Variants in CNTNAP2 observed in about 807,000 individuals in gnomAD.
CNTNAP2 encodes the protein contactin associated protein 2.
Under a neutral mutation model 155.2 loss-of-function variants are expected in CNTNAP2, and 98 were observed. That is an observed-to-expected ratio of 0.63 (90% CI 0.54 to 0.75). The LOEUF (loss-of-function observed/expected upper bound fraction) is 0.75, where lower values mean the gene tolerates loss of function less well. CNTNAP2 is among the 30% of genes least tolerant of loss of function. CNTNAP2 has a pLI of 0.00. For synonymous variants in CNTNAP2, 651 were observed against 631.2 expected, an observed-to-expected ratio of 1.03 and a Z score of -0.47; for missense variants, 1,727 against 1,688.1, an observed-to-expected ratio of 1.02 and a Z score of -0.40.
At chr7:146,329,344 T>A (rs1402271388) in intron 1 of CNTNAP2, among the ~76,000 whole-genome samples, 1 of 152,206 alleles carries the variant, frequency 6.6e-6, no homozygotes, top group African/African-American at 2.4e-5. Context: ...TCTCCATAAG[T>A]GGCTATGGAA....
intron 8 of CNTNAP2, among the ~76,000 whole-genome samples, chr7:147,192,913 G>A (rs961742721): frequency 9.2e-5 from 14 of 152,052 alleles, no homozygotes; most frequent in African/African-American, 3.4e-4. Flanking sequence ...CAACTTACTG[G>A]TTTTACCCCA....
intron 2 of CNTNAP2, among the ~76,000 whole-genome samples, chr7:146,783,466 G>T (rs1802523694): frequency 6.6e-6 from 1 of 152,062 alleles, no homozygotes; most frequent in Non-Finnish European, 1.5e-5. Context: ...TGGCTTGACT[G>T]GGAGTTTTAT....
intron 14 of CNTNAP2, among the ~76,000 whole-genome samples, chr7:147,935,775 A>G (rs548320432): frequency 0.013 from 1,984 of 152,272 alleles, 46 homozygotes; most frequent in African/African-American, 0.045. Context: ...ATATGATAGC[A>G]AAAAAATTAA....
intron 1 of CNTNAP2, among the ~76,000 whole-genome samples, chr7:146,151,470 A>G (rs936451398): frequency 1.3e-5 from 2 of 150,394 alleles, no homozygotes; most frequent in Non-Finnish European, 3.0e-5. Flanking sequence ...TACATTTTAT[A>G]TATAAATGAG....
At chr7:146,917,811 A>G (rs1274053550) in intron 3 of CNTNAP2, among the ~76,000 whole-genome samples, 2 of 151,890 alleles carry the variant, frequency 1.3e-5, no homozygotes, top group Admixed American at 6.6e-5. Context: ...ATGACTTTGC[A>G]CCTCCTTGCT....
intron 13 of CNTNAP2, among the ~76,000 whole-genome samples, chr7:147,668,630 A>G (rs1412228218): frequency 6.6e-6 from 1 of 152,204 alleles, no homozygotes; most frequent in Admixed American, 6.5e-5. Flanking sequence ...AAAATTAAAG[A>G]TTGAAAAAAT....
At chr7:147,006,940 A>AGAATGAG (rs1488839981) in intron 3 of CNTNAP2, among the ~76,000 whole-genome samples, 1 of 152,150 alleles carries the variant, frequency 6.6e-6, no homozygotes, top group Non-Finnish European at 1.5e-5. Context: ...GGGCTGCTCC[A>AGAATGAG]GAATGAGATG....
chr7:146,949,576 A>G (rs1797266852), intron 3 of CNTNAP2, among the ~76,000 whole-genome samples: 1 of 152,204 alleles, frequency 6.6e-6, no homozygotes, highest in African/African-American at 2.4e-5. Flanking sequence ...AAGTGGGGCT[A>G]CAAATACCCT....
At chr7:146,854,473 G>C (rs1337036871) in intron 3 of CNTNAP2, among the ~76,000 whole-genome samples, 1 of 152,116 alleles carries the variant, frequency 6.6e-6, no homozygotes. Context: ...AAAGAAACCA[G>C]GAACTGTTAT....
chr7:146,645,803 A>G (rs1283846350), intron 1 of CNTNAP2, among the ~76,000 whole-genome samples: 1 of 151,748 alleles, frequency 6.6e-6, no homozygotes, highest in Non-Finnish European at 1.5e-5. Context: ...GTGAATTTGT[A>G]TATGTTTATG....
intron 13 of CNTNAP2, among the ~76,000 whole-genome samples, chr7:147,832,096 T>C (rs1030169331): frequency 6.7e-6 from 1 of 148,890 alleles, no homozygotes; most frequent in African/African-American, 2.4e-5. Context: ...AACTGTTATA[T>C]ATAATTATAT....
At chr7:148,077,576 C>T (rs1276895990) in intron 15 of CNTNAP2, among the ~76,000 whole-genome samples, 3 of 152,094 alleles carry the variant, frequency 2.0e-5, no homozygotes, top group Admixed American at 6.6e-5. Flanking sequence ...TTCAAAATGC[C>T]CCTTAGAGTC....
At chr7:148,086,945 C>A (rs1803743833) in intron 15 of CNTNAP2, among the ~76,000 whole-genome samples, 1 of 152,038 alleles carries the variant, frequency 6.6e-6, no homozygotes, top group Non-Finnish European at 1.5e-5. Flanking sequence ...GTTGCAAATC[C>A]CATTTCATTA....
At chr7:147,237,867 A>AT (rs34968770) in intron 8 of CNTNAP2, among the ~76,000 whole-genome samples, 1 of 152,226 alleles carries the variant, frequency 6.6e-6, no homozygotes, top group African/African-American at 2.4e-5. Flanking sequence ...CTGGAAAAAC[A>AT]TTTTTTATCA....
intron 3 of CNTNAP2, among the ~76,000 whole-genome samples, chr7:146,851,232 G>T (rs1309294695): frequency 6.6e-6 from 1 of 152,034 alleles, no homozygotes; most frequent in Non-Finnish European, 1.5e-5. Context: ...TGATTCACTA[G>T]CCTCGGCCTC....
chr7:147,891,243 C>T (rs1006959382), intron 13 of CNTNAP2, among the ~76,000 whole-genome samples: 14 of 150,616 alleles, frequency 9.3e-5, no homozygotes, highest in Non-Finnish European at 1.2e-4. Flanking sequence ...CTCACTCTGT[C>T]GCCCAGGCTG....
chr7:147,075,905 G>T lies in CNTNAP2; in HGVS notation c.550+31851G>T, dbSNP rs538874902. 6.0e-4 allele frequency among the ~76,000 whole-genome samples: 91 copies of T among 152,224 alleles called. 3 individuals are homozygous for T. In the South Asian group the frequency reaches 0.018, roughly 30 times the overall value. On this transcript the variant is annotated intron_variant, in intron 4 of 23. Coordinates refer to ENST00000361727, the MANE Select transcript of CNTNAP2 (RefSeq NM_014141.6). ...TGTTTGGTTTTCTGTACCTGCGATA[G>T]TTTGCTCAGAATGATGGTTTCCAGC...
chr7:147,744,182 G>A (rs1241937018), intron 13 of CNTNAP2, among the ~76,000 whole-genome samples: 1 of 152,010 alleles, frequency 6.6e-6, no homozygotes, highest in Non-Finnish European at 1.5e-5. Context: ...AACTTCAGTG[G>A]GTAAATTTCT....
Position 148,158,222 on chromosome 7 carries a change from C to CTTTTTT in CNTNAP2, c.2773+10527_2773+10532dup, listed in dbSNP as rs1224617335. On this transcript the variant is annotated intron_variant, in intron 17 of 23. Transcript: ENST00000361727. ...AGTGATGATAGGTACAATGTTTGCG[C>CTTTTTT]TTTTTTTTTTTTTTTTTTTGAGACA... is the stretch of plus-strand genomic sequence containing the variant. Among the ~76,000 whole-genome samples the CTTTTTT allele has an allele frequency of 1.1e-4, 10 of 94,760 alleles. 1 individual carries two copies. The highest frequency in any genetic ancestry group is 1.5e-4 in the African/African-American group (3 of 20,122). The allele number at this position is 94,760 out of a possible 152,430, so 62.2% of individuals were successfully genotyped here. A position where few individuals can be genotyped will look rare whatever the true frequency, so the allele number is the denominator to read the frequency against.
Sources: allele counts gnomAD v4.1 joint callset (sites outside exome capture counted in the v4.1 genomes callset), GRCh38; gene constraint gnomAD v4.1.1; transcripts MANE v1.5; gene names NCBI Gene and HGNC (gene_info 2026-07-23, HGNC 2026-07-21).